S100PBP: variants seen among roughly 807,000 people sequenced by gnomAD.
S100PBP encodes S100P binding protein, also known as S100P-binding protein.
In S100PBP, 15 loss-of-function variants were observed where a neutral mutation model predicts 39.9. That is an observed-to-expected ratio of 0.38 (90% CI 0.25 to 0.58). S100PBP has a LOEUF of 0.58. Among genes scored for constraint, S100PBP ranks in the 20% least tolerant of loss-of-function variants. The pLI, the probability that S100PBP is intolerant of heterozygous loss-of-function variation, is 0.70. For synonymous variants in S100PBP, 178 were observed against 180.3 expected, an observed-to-expected ratio of 0.99 and a Z score of 0.10; for missense variants, 504 against 487.3, an observed-to-expected ratio of 1.03 and a Z score of -0.32.
At chr1:32,819,265 C>G (rs1241499896) in intron 1 of S100PBP, among the ~76,000 whole-genome samples, 1 of 152,102 alleles carries the variant, frequency 6.6e-6, no homozygotes, top group Non-Finnish European at 1.5e-5. Flanking sequence ...AAATATTCTT[C>G]CCTTAAAAAT....
chr1:32,850,992 G>C (rs1379514161), intron 5 of S100PBP, among the ~76,000 whole-genome samples: 1 of 152,184 alleles, frequency 6.6e-6, no homozygotes, highest in Non-Finnish European at 1.5e-5. Context: ...ATAGCAATGT[G>C]CTAGGTCTTT....
In S100PBP at chr1:32,827,929, T is replaced by C. The variant is rs987848179; in HGVS notation, c.832-64T>C. 2.2e-5 allele frequency: 25 copies of C among 1,120,254 alleles called. No homozygotes were observed. In the African/African-American group the frequency reaches 3.4e-4, roughly 15 times the overall value. The allele number at this position is 1,120,254 out of a possible 1,614,324, so 69.4% of individuals were successfully genotyped here. ...TTAAAAAATATTTCCATAAATAGTGTTTTCAGTGCTTTTCTTATAACTAAG... is the reference window on the plus strand; with the variant it reads ...TTAAAAAATATTTCCATAAATAGTGCTTTCAGTGCTTTTCTTATAACTAAG... On this transcript the variant is annotated intron_variant, in intron 3 of 6. Coordinates refer to ENST00000373475, the MANE Select transcript of S100PBP (RefSeq NM_022753.4).
At chr1:32,822,276 A>T (rs1639105749) in intron 1 of S100PBP, among the ~76,000 whole-genome samples, 1 of 152,122 alleles carries the variant, frequency 6.6e-6, no homozygotes, top group Non-Finnish European at 1.5e-5. Context: ...CTATTATGTT[A>T]CTTATGTATA....
chr1:32,817,305 G>T (rs988614358), upstream of S100PBP: 2 of 1,601,270 alleles, frequency 1.2e-6, no homozygotes, highest in Non-Finnish European at 1.7e-6. Flanking sequence ...CTGGGTCACC[G>T]TCGCCGCCGC....
intron 5 of S100PBP, among the ~76,000 whole-genome samples, chr1:32,831,663 A>C (rs939152764): frequency 1.3e-5 from 2 of 151,964 alleles, no homozygotes; most frequent in Non-Finnish European, 2.9e-5. Flanking sequence ...CCTTTGCTAG[A>C]ACTATTTTAG....
chr1:32,844,403 G>A (rs1365257044), intron 5 of S100PBP, among the ~76,000 whole-genome samples: 2 of 152,178 alleles, frequency 1.3e-5, no homozygotes, highest in African/African-American at 4.8e-5. Context: ...GCTCATGCCT[G>A]TAATCCCAGT....
At chr1:32,847,646 C>A (rs910584209) in intron 5 of S100PBP, 1 of 152,150 alleles carries the variant, frequency 6.6e-6, no homozygotes, top group African/African-American at 2.4e-5. Context: ...ACTCCTGTTT[C>A]TTCTACTTTT....
intron 3 of S100PBP, among the ~76,000 whole-genome samples, chr1:32,827,439 G>A (rs952486813): frequency 1.3e-5 from 2 of 151,970 alleles, no homozygotes; most frequent in Admixed American, 6.6e-5. Context: ...TTTTGAGCCC[G>A]ATTCCCTATC....
In S100PBP at chr1:32,828,128, C is replaced by T. The variant is rs986205356; in HGVS notation, c.920+47C>T. On this transcript the variant is annotated intron_variant, in intron 4 of 6. Transcript: ENST00000373475. The stretch of plus-strand genomic sequence containing the variant: ...TATTCTGATTTATTTTGGTTCTCTT[C>T]AATTTCTTTCTTCCCCTCTCCAGTT... 2.2e-6 allele frequency: 3 copies of T among 1,335,570 alleles called. No individual in the cohort carries two copies. In the African/African-American group the frequency reaches 4.4e-5, roughly 20 times the overall value. 82.7% of individuals were successfully genotyped at this position (1,335,570 alleles called of 1,614,324 possible). A position where few individuals can be genotyped will look rare whatever the true frequency, so the allele number is the denominator to read the frequency against.
chr1:32,855,304 T>C (rs575049516), intron 6 of S100PBP, among the ~76,000 whole-genome samples: 2 of 152,308 alleles, frequency 1.3e-5, no homozygotes, highest in Non-Finnish European at 2.9e-5. Context: ...CCTAGATTAT[T>C]AGGAGCACTT....
At chr1:32,829,922 C>T (rs1639517777) in intron 4 of S100PBP, 42 bp from the exon 5 acceptor site, 1 of 1,386,188 alleles carries the variant, frequency 7.2e-7, no homozygotes, top group Admixed American at 1.7e-5. Context: ...ATTCCTGTTT[C>T]TAATGGGCTG....
At position 32,830,124 on chromosome 1, in the gene S100PBP, G is replaced by A. The variant is rs1269139592; in HGVS notation, c.1024+57G>A. On this transcript the variant is annotated intron_variant, in intron 5 of 6. Coordinates refer to ENST00000373475, the MANE Select transcript of S100PBP (RefSeq NM_022753.4). The stretch of plus-strand genomic sequence containing the variant: ...ACATGTGATGTGACTTTCTCTTTCC[G>A]GTGTAACAGCTTAAACTGGGAGATT... 16 of 1,058,848 alleles carry A rather than the reference G, an allele frequency of 1.5e-5. No homozygotes were observed. The African/African-American group carries it at 1.6e-4, about 10-fold the overall frequency. The allele number at this position is 1,058,848 out of a possible 1,614,324, so 65.6% of individuals were successfully genotyped here.
chr1:32,830,903 G>A (rs1039740448), intron 5 of S100PBP, among the ~76,000 whole-genome samples: 1 of 151,842 alleles, frequency 6.6e-6, no homozygotes, highest in African/African-American at 2.4e-5. Flanking sequence ...AAAATTAGCC[G>A]GATCATATTC....
upstream of S100PBP, chr1:32,817,164 G>A (rs200678617): frequency 6.2e-7 from 1 of 1,613,870 alleles, no homozygotes; most frequent in Non-Finnish European, 8.5e-7. Flanking sequence ...CCCCAACGGC[G>A]CATTTCCAAC....
chr1:32,851,098 C>G (rs777535603), intron 5 of S100PBP, among the ~76,000 whole-genome samples: 5 of 152,062 alleles, frequency 3.3e-5, no homozygotes, highest in Non-Finnish European at 1.5e-5. Flanking sequence ...AATAATTTGC[C>G]CAGGGTCACA....
intron 5 of S100PBP, chr1:32,842,784 CAGGGTTTCA>C (rs1264710461): frequency 1.3e-5 from 2 of 152,012 alleles, no homozygotes; most frequent in Non-Finnish European, 2.9e-5. Flanking sequence ...TTAATACAGA[CAGGGTTTCA>C]CCAAGTTGGC....
At position 32,849,323 on chromosome 1, in the gene S100PBP, G is replaced by GA. The variant is rs1640515890; in HGVS notation, c.1025-3755dup. On this transcript the variant is annotated intron_variant, in intron 5 of 6. Transcript: ENST00000373475. ...ACCACACCCGGGTACTTTTTGTAGA[G>GA]ACGGGGTTTCACCATGTTGCCCAGG... Among the ~76,000 whole-genome samples the GA allele has an allele frequency of 5.3e-5, 8 of 152,132 alleles. No homozygotes were observed. The South Asian group carries it at 1.7e-3, about 32-fold the overall frequency.
At chr1:32,844,854 A>G (rs1640289364) in intron 5 of S100PBP, among the ~76,000 whole-genome samples, 1 of 149,784 alleles carries the variant, frequency 6.7e-6, no homozygotes, top group East Asian at 2.0e-4. Context: ...TTTGAGATGG[A>G]CTCTCGCTCT....
rs1461153714 is a variant in S100PBP at position 32,857,638 on chromosome 1, A to G, written c.*1600A>G. 6.6e-6 allele frequency: 1 copy of G among 152,196 alleles called. No homozygotes were observed. The highest frequency in any genetic ancestry group is 1.5e-5 in the Non-Finnish European group (1 of 68,066). The allele number at this position is 152,196 out of a possible 1,614,324, so 9.4% of individuals were successfully genotyped here. A position where few individuals can be genotyped will look rare whatever the true frequency, so the allele number is the denominator to read the frequency against. On this transcript the variant is annotated 3_prime_UTR_variant, in exon 7 of 7. Coordinates refer to ENST00000373475, the MANE Select transcript of S100PBP (RefSeq NM_022753.4). ...TTATTCTCTCTTTACAGATAGCTAT[A>G]GACATCATTTTAGGAAGTGTTGCAG...
Sources: gnomAD v4.1 joint callset for allele counts (sites outside exome capture counted in the v4.1 genomes callset) on GRCh38, gnomAD v4.1.1 for gene constraint, MANE v1.5 for transcripts, NCBI Gene and HGNC (gene_info 2026-07-23, HGNC 2026-07-21) for gene names.